The following FAM13C variants were observed in gnomAD, a reference collection of about 807,000 sequenced individuals.
FAM13C encodes the protein protein FAM13C.
A neutral mutation model predicts 73.2 loss-of-function variants in FAM13C; 37 were observed. The observed-to-expected ratio is 0.51, with a 90% CI of 0.39 to 0.67. The LOEUF (loss-of-function observed/expected upper bound fraction) is 0.67. FAM13C is among the 30% of genes least tolerant of loss of function. FAM13C has a pLI of 0.00. For missense variants in FAM13C, 589 were observed against 715.6 expected (o/e 0.82, Z 2.02); for synonymous variants, 246 against 260.9 (o/e 0.94, Z 0.55).
rs1323780660 is a variant in FAM13C at position 59,291,811 on chromosome 10, T to C, written c.508-8364A>G. Among the ~76,000 whole-genome samples the C allele has an allele frequency of 2.9e-4, 34 of 117,940 alleles. 1 individual carries two copies. The Middle Eastern group carries it at 0.025, about 86-fold the overall frequency. 77.4% of individuals were successfully genotyped at this position (117,940 alleles called of 152,430 possible). A position where few individuals can be genotyped will look rare whatever the true frequency, so the allele number is the denominator to read the frequency against. On this transcript the variant is annotated intron_variant, in intron 5 of 13. Coordinates refer to ENST00000618804, the MANE Select transcript of FAM13C (RefSeq NM_198215.4). ...TTTTTTTTTTTTTTTTTTTTTGAGA[T>C]GGAGTCTTGCTCTGTCGCCCAGGCT... is the stretch of plus-strand genomic sequence containing the variant.
chr10:59,352,452 A>G lies in FAM13C; in HGVS notation c.142T>C (p.Tyr48His). 6.2e-7 allele frequency: 1 copy of G among 1,611,368 alleles called. No individual in the cohort carries two copies. Among genetic ancestry groups the G allele is most frequent in the Non-Finnish European group, 8.5e-7 (1 of 1,178,958 alleles). The change falls in exon 3 of 14, where the codon TAC becomes CAC. Residue 48 changes from tyrosine to histidine, a missense_variant. Physicochemically the swap from Tyr to His is moderately conservative, Grantham distance 83 (BLOSUM62 2). Transcript: ENST00000618804. ...SLRDENNKEN[Y>H]PDAGALVEEH... ...TCTACCAGAGCCCCTGCGTCGGGGT[A>G]GTTCTCTTTATTGTTTTCATCTCTA... is the stretch of plus-strand genomic sequence containing the variant.
chr10:59,323,000 C>A (rs1056080843), intron 4 of FAM13C, among the ~76,000 whole-genome samples: 4 of 152,212 alleles, frequency 2.6e-5, no homozygotes, highest in Admixed American at 2.0e-4. Flanking sequence ...TTGAGGTCCC[C>A]TCCAACCTTT....
chr10:59,331,489 T>TG (rs1435100388), intron 3 of FAM13C, among the ~76,000 whole-genome samples: 1 of 152,174 alleles, frequency 6.6e-6, no homozygotes, highest in African/African-American at 2.4e-5. Context: ...AGCCAGATCA[T>TG]GTGAAACCTC....
intron 5 of FAM13C, among the ~76,000 whole-genome samples, chr10:59,295,512 C>A (rs574799965): frequency 6.6e-6 from 1 of 152,238 alleles, no homozygotes; most frequent in Admixed American, 6.5e-5. Context: ...TAAATTCAGG[C>A]AATGACCTGA....
In FAM13C at chr10:59,246,540, A is replaced by ACTT. The variant is rs1225474489; in HGVS notation, c.*1071_*1073dup. ...ACATGAGAGAAAATGTTGACCTTTT[A>ACTT]CTTCCTTTTACAAAAATGAAAATAA... On this transcript the variant is annotated 3_prime_UTR_variant, in exon 14 of 14. Coordinates refer to ENST00000618804, the MANE Select transcript of FAM13C (RefSeq NM_198215.4). 5.1e-6 allele frequency: 2 copies of ACTT among 394,266 alleles called. No individual in the cohort carries two copies. Among genetic ancestry groups the ACTT allele is most frequent in the African/African-American group, 4.1e-5 (2 of 48,550 alleles). The allele number at this position is 394,266 out of a possible 1,614,324, so 24.4% of individuals were successfully genotyped here.
intron 6 of FAM13C, among the ~76,000 whole-genome samples, chr10:59,270,770 A>G (rs1564505055): frequency 6.6e-6 from 1 of 152,240 alleles, no homozygotes; most frequent in Non-Finnish European, 1.5e-5. Flanking sequence ...GAGGTTACAT[A>G]GCAACTACAA....
rs577734861 is a variant in FAM13C at position 59,357,911 on chromosome 10, A to C, written c.63-1968T>G. Among the ~76,000 whole-genome samples the C allele has an allele frequency of 7.9e-5, 12 of 152,356 alleles. No individual in the cohort carries two copies. The Middle Eastern group carries it at 0.014, about 173-fold the overall frequency. ...CATAATATACTGTTTATACTATATG[A>C]AATAATTTAACATTTTAAAGTATTC... On this transcript the variant is annotated intron_variant, in intron 1 of 13. Coordinates refer to ENST00000618804, the MANE Select transcript of FAM13C (RefSeq NM_198215.4).
chr10:59,291,304 T>C (rs577190873), intron 5 of FAM13C, among the ~76,000 whole-genome samples: 88 of 152,318 alleles, frequency 5.8e-4, no homozygotes, highest in Non-Finnish European at 1.2e-3. Context: ...CTTCTCCCAA[T>C]GTCGACCATT....
At chr10:59,266,977 C>T (rs1227760739) in intron 8 of FAM13C, among the ~76,000 whole-genome samples, 1 of 152,132 alleles carries the variant, frequency 6.6e-6, no homozygotes, top group African/African-American at 2.4e-5. Context: ...GTATGTACTT[C>T]CTTATTTACT....
At chr10:59,349,438 C>T (rs1186228313) in intron 3 of FAM13C, among the ~76,000 whole-genome samples, 1 of 152,146 alleles carries the variant, frequency 6.6e-6, no homozygotes, top group Non-Finnish European at 1.5e-5. Context: ...TTCATGATAC[C>T]ACTAGCCCAA....
chr10:59,344,393 C>G (rs1023283332), intron 3 of FAM13C, among the ~76,000 whole-genome samples: 8 of 151,456 alleles, frequency 5.3e-5, no homozygotes, highest in Non-Finnish European at 1.2e-4. Context: ...ATTCTCCTGC[C>G]TCGGCCTCCC....
intron 4 of FAM13C, among the ~76,000 whole-genome samples, 157 bp downstream of exon 4, chr10:59,323,831 G>A (rs1203112435): frequency 6.6e-6 from 1 of 152,154 alleles, no homozygotes; most frequent in East Asian, 1.9e-4. Flanking sequence ...CTCACTCAGC[G>A]ATTCCTCTTC....
chr10:59,278,095 G>T (rs905780588), intron 6 of FAM13C, among the ~76,000 whole-genome samples: 19 of 152,192 alleles, frequency 1.2e-4, no homozygotes, highest in African/African-American at 4.6e-4. Context: ...AAGAGAGCTT[G>T]TGCAGGGAAA....
In FAM13C at chr10:59,304,584, A is replaced by T. The variant is rs866109221; in HGVS notation, c.444-1720T>A. 3.3e-5 allele frequency among the ~76,000 whole-genome samples: 5 copies of T among 151,960 alleles called. 1 individual carries two copies. The South Asian group carries it at 1.0e-3, about 32-fold the overall frequency. ...AGACACATAGAGGGGGACAACACAC[A>T]CTGGGGCCTTTCAGAGGGTGGCAGG... On this transcript the variant is annotated intron_variant, in intron 4 of 13. Coordinates refer to ENST00000618804, the MANE Select transcript of FAM13C (RefSeq NM_198215.4).
chr10:59,272,780 A>G (rs898288634), intron 6 of FAM13C, among the ~76,000 whole-genome samples: 2 of 152,190 alleles, frequency 1.3e-5, no homozygotes, highest in African/African-American at 4.8e-5. Context: ...GACACTCTCT[A>G]CAACATTGTG....
intron 6 of FAM13C, among the ~76,000 whole-genome samples, chr10:59,278,650 C>T (rs1184646336): frequency 2.0e-5 from 3 of 151,996 alleles, no homozygotes; most frequent in African/African-American, 2.4e-5. Flanking sequence ...CAAATGTCCT[C>T]GAGGGCGGCA....
chr10:59,290,098 A>T (rs1244968380), intron 5 of FAM13C, among the ~76,000 whole-genome samples: 4 of 152,084 alleles, frequency 2.6e-5, no homozygotes, highest in Non-Finnish European at 5.9e-5. Flanking sequence ...TAAAAAGCTA[A>T]TTTTTCCCAT....
intron 4 of FAM13C, among the ~76,000 whole-genome samples, chr10:59,312,692 C>T (rs757792545): frequency 1.3e-5 from 2 of 152,202 alleles, no homozygotes; most frequent in Non-Finnish European, 2.9e-5. Flanking sequence ...GTTCAGCACA[C>T]TCCAGCTTTA....
At chr10:59,353,369 G>C (rs921734690) in intron 2 of FAM13C, among the ~76,000 whole-genome samples, 1 of 152,046 alleles carries the variant, frequency 6.6e-6, no homozygotes, top group African/African-American at 2.4e-5. Context: ...TAACCAGAAG[G>C]GGCCTTCTCT....
Sources: allele counts gnomAD v4.1 joint callset (sites outside exome capture counted in the v4.1 genomes callset), GRCh38; gene constraint gnomAD v4.1.1; transcripts MANE v1.5; gene names NCBI Gene and HGNC (gene_info 2026-07-23, HGNC 2026-07-21).